The following ALDH1L1 variants were observed in gnomAD, a reference collection of about 807,000 sequenced individuals.
ALDH1L1 encodes the protein aldehyde dehydrogenase 1 family member L1, also known as cytosolic 10-formyltetrahydrofolate dehydrogenase.
ALDH1L1 carries 68 observed loss-of-function variants against 101.1 expected under a neutral mutation model. That is an observed-to-expected ratio of 0.67 (90% CI 0.55 to 0.82). The LOEUF (loss-of-function observed/expected upper bound fraction) is 0.82. ALDH1L1 is among the 40% of genes least tolerant of loss of function. The pLI, the probability that ALDH1L1 is intolerant of heterozygous loss-of-function variation, is 0.00. For synonymous variants in ALDH1L1, 486 were observed against 470.8 expected (o/e 1.03, Z -0.42); for missense variants, 1,087 against 1,172.7 (o/e 0.93, Z 1.07).
chr3:126,113,739 G>A (rs1038490214), intron 18 of ALDH1L1, among the ~76,000 whole-genome samples: 1 of 152,204 alleles, frequency 6.6e-6, no homozygotes, highest in Admixed American at 6.5e-5. Context: ...AGGGCCGGGG[G>A]CATATTTGGG....
At chr3:126,162,415 T>C (rs533352089) in intron 1 of ALDH1L1, among the ~76,000 whole-genome samples, 3 of 152,372 alleles carry the variant, frequency 2.0e-5, no homozygotes, top group Non-Finnish European at 4.4e-5. Context: ...AATTCCCTGA[T>C]GACCAATGAA....
chr3:126,167,754 T>C (rs957652617), intron 1 of ALDH1L1, among the ~76,000 whole-genome samples: 2 of 152,140 alleles, frequency 1.3e-5, no homozygotes, highest in Non-Finnish European at 2.9e-5. Flanking sequence ...ATAAAGAGTA[T>C]TGCCCAACTA....
At chr3:126,108,920 A>C (rs1180051906) in intron 20 of ALDH1L1, among the ~76,000 whole-genome samples, 1 of 152,116 alleles carries the variant, frequency 6.6e-6, no homozygotes, top group Non-Finnish European at 1.5e-5. Context: ...AACAGAGGAG[A>C]GGTCACCAGA....
intron 1 of ALDH1L1, among the ~76,000 whole-genome samples, chr3:126,175,121 A>G (rs1345509980): frequency 2.6e-5 from 4 of 152,296 alleles, no homozygotes; most frequent in Admixed American, 6.5e-5. Context: ...GAACAACTCT[A>G]TATCAACAAA....
chr3:126,157,607 C>G (rs41266449), intron 3 of ALDH1L1, 99 bp from the exon 4 acceptor site: 61,467 of 1,377,848 alleles, frequency 0.045, 1,605 homozygotes, highest in Non-Finnish European at 0.052. Context: ...AGGAGGCCCT[C>G]TCTTCCCAGG....
At chr3:126,129,811 T>C (rs2080263714) in intron 14 of ALDH1L1, 1 of 153,446 alleles carries the variant, frequency 6.5e-6, no homozygotes, top group African/African-American at 2.4e-5. Flanking sequence ...GCCAGGTTCA[T>C]TTCCCGGCGC....
chr3:126,181,768 C>T (rs2081476960), upstream of ALDH1L1, among the ~76,000 whole-genome samples: 1 of 152,188 alleles, frequency 6.6e-6, no homozygotes, highest in Non-Finnish European at 1.5e-5. Context: ...TGGCTTGTAG[C>T]AGTTGCTAAA....
At chr3:126,134,605 G>A (rs2080385804) in intron 12 of ALDH1L1, among the ~76,000 whole-genome samples, 1 of 152,178 alleles carries the variant, frequency 6.6e-6, no homozygotes, top group Non-Finnish European at 1.5e-5. Flanking sequence ...ATTCGGTTTT[G>A]CAGACCATGC....
chr3:126,183,257 G>A, upstream of ALDH1L1, among the ~76,000 whole-genome samples: 1 of 152,176 alleles, frequency 6.6e-6, no homozygotes, highest in Non-Finnish European at 1.5e-5. Flanking sequence ...AGAGATGTGT[G>A]GGTTTGACAG....
intron 1 of ALDH1L1, among the ~76,000 whole-genome samples, chr3:126,195,878 C>T (rs559163725): frequency 8.3e-4 from 126 of 152,092 alleles, no homozygotes; most frequent in Non-Finnish European, 1.4e-3. Flanking sequence ...AACCAAACAC[C>T]GCACGTTCTC....
intron 17 of ALDH1L1, 86 bp downstream of exon 17, chr3:126,117,919 G>A (rs1343794118): frequency 4.3e-5 from 56 of 1,303,698 alleles, no homozygotes; most frequent in Non-Finnish European, 6.0e-5. Flanking sequence ...AGCCTGGGAA[G>A]CAGGACACAG....
At chr3:126,170,471 T>C (rs576588276) in intron 1 of ALDH1L1, among the ~76,000 whole-genome samples, 6 of 143,650 alleles carry the variant, frequency 4.2e-5, no homozygotes, top group Non-Finnish European at 7.6e-5. Flanking sequence ...CAGTCGGGCC[T>C]AATAAAAAAT....
At chr3:126,175,079 C>T (rs1022232284) in intron 1 of ALDH1L1, among the ~76,000 whole-genome samples, 7 of 151,966 alleles carry the variant, frequency 4.6e-5, no homozygotes, top group African/African-American at 9.7e-5. Flanking sequence ...ACTGATCCTA[C>T]GGTCATTAAA....
chr3:126,131,605 T>C, intron 12 of ALDH1L1, 71 bp from the exon 13 acceptor site: 1 of 1,517,250 alleles, frequency 6.6e-7, no homozygotes, highest in Non-Finnish European at 8.9e-7. Flanking sequence ...CACAAGGCCC[T>C]TCTTCAAGGA....
chr3:126,127,369 G>T (rs2080209421), intron 14 of ALDH1L1, among the ~76,000 whole-genome samples: 1 of 152,184 alleles, frequency 6.6e-6, no homozygotes, highest in Non-Finnish European at 1.5e-5. Context: ...TGGACATCCA[G>T]TGAGACAACC....
At chr3:126,196,319 G>A (rs1311862320) in intron 1 of ALDH1L1, among the ~76,000 whole-genome samples, 1 of 151,186 alleles carries the variant, frequency 6.6e-6, no homozygotes, top group African/African-American at 2.4e-5. Flanking sequence ...AAAGAACAGA[G>A]CCTTAGATTT....
At chr3:126,154,420 G>A in intron 6 of ALDH1L1, 134 bp downstream of exon 6, 2 of 874,804 alleles carry the variant, frequency 2.3e-6, no homozygotes, top group Middle Eastern at 2.3e-4. Flanking sequence ...GGATGTTTAG[G>A]GGGCACCCAG....
At position 126,158,574 on chromosome 3, in the gene ALDH1L1, C is replaced by T. The variant is rs752311233; in HGVS notation, c.193G>A (p.Ala65Thr). ...KYSRWRAKGQ[A>T]LPDVVAKYQA... ...TATTTTGCCACCACATCAGGCAAAG[C>T]CTGTCCTTTTGCACGCCACCGGGAG... Residue 65 changes from alanine (A) to threonine (T), a missense_variant, in exon 3 of 23, where the codon GCT becomes ACT. Physicochemically the swap from Ala to Thr is moderately conservative, Grantham distance 58. This residue lies in a region of ALDH1L1 where 645 missense variants were observed against 637.0 expected (regional missense o/e 1.01). Coordinates refer to ENST00000393434, the MANE Select transcript of ALDH1L1 (RefSeq NM_012190.4). The T allele has an allele frequency of 1.9e-6, 3 of 1,614,082 alleles. No homozygotes were observed. Among genetic ancestry groups the T allele is most frequent in the African/African-American group, 2.7e-5 (2 of 74,940 alleles).
At position 126,147,687 on chromosome 3, in the gene ALDH1L1, G is replaced by A. The variant is rs185338237; in HGVS notation, c.985-761C>T. On this transcript the variant is annotated intron_variant, in intron 8 of 22. Transcript: ENST00000393434. ...TCCCCACTCTCTGGATGAACTCCAG[G>A]CCATTGTCAATCATGGGCCCAGGTT... 1.8e-3 allele frequency among the ~76,000 whole-genome samples: 271 copies of A among 152,250 alleles called. 1 individual carries two copies. Among genetic ancestry groups the A allele is most frequent in the Non-Finnish European group, 3.1e-3 (209 of 68,006 alleles).
Sources: allele counts gnomAD v4.1 joint callset (sites outside exome capture counted in the v4.1 genomes callset), GRCh38; gene constraint gnomAD v4.1.1; regional missense constraint gnomAD v4.1.1; transcripts MANE v1.5; gene names NCBI Gene and HGNC (gene_info 2026-07-23, HGNC 2026-07-21).